DHX32: variants seen among roughly 807,000 people sequenced by gnomAD.
The protein encoded by DHX32 is DEAH-box helicase 32 (putative), also known as putative pre-mRNA-splicing factor ATP-dependent RNA helicase DHX32.
A neutral mutation model predicts 70.0 loss-of-function variants in DHX32; 51 were observed. The observed-to-expected ratio is 0.73, with a 90% CI of 0.58 to 0.92. DHX32 has a LOEUF of 0.92. Among genes scored for constraint, DHX32 ranks in the 40% least tolerant of loss-of-function variants. The pLI is 0.00. For missense variants in DHX32, 762 were observed against 891.8 expected (o/e 0.85, Z 1.85); for synonymous variants, 310 against 315.3 (o/e 0.98, Z 0.18).
At chr10:125,871,888 G>T (rs1944257973) in intron 1 of DHX32, among the ~76,000 whole-genome samples, 1 of 141,966 alleles carries the variant, frequency 7.0e-6, no homozygotes, top group Non-Finnish European at 1.5e-5. Flanking sequence ...TTGAGATGGA[G>T]TCTCACTCTT....
At chr10:125,861,975 G>A (rs1014057875) in intron 2 of DHX32, among the ~76,000 whole-genome samples, 6 of 151,594 alleles carry the variant, frequency 4.0e-5, no homozygotes, top group Non-Finnish European at 5.9e-5. Context: ...CACCTAGTGT[G>A]AGCCAGTCAC....
intron 1 of DHX32, among the ~76,000 whole-genome samples, chr10:125,892,051 C>T (rs1343559103): frequency 3.3e-5 from 5 of 152,120 alleles, no homozygotes; most frequent in Non-Finnish European, 5.9e-5. Context: ...GACCTCCCAA[C>T]GTATATGACA....
At position 125,852,414 on chromosome 10, in the gene DHX32, G is replaced by A. The variant is rs750356794; in HGVS notation, c.1230C>T (p.Ser410=). ...CTGGCTTCAGTGGCGTCATGTCTTT[G>A]GAGGCAAATTCTTCAGTGTACAGGC... ...FFCLYTEEFA[S]KDMTPLKPAE... Residue 410 remains serine (S), a synonymous_variant, in exon 6 of 11, where the codon TCC becomes TCT. Coordinates refer to ENST00000284690, the MANE Select transcript of DHX32 (RefSeq NM_018180.3). The A allele has an allele frequency of 3.2e-5, 52 of 1,614,146 alleles. No individual in the cohort carries two copies. The highest frequency in any genetic ancestry group is 4.3e-5 in the Non-Finnish European group (51 of 1,180,036).
chr10:125,859,046 T>G (rs1414764784), intron 3 of DHX32, among the ~76,000 whole-genome samples: 4 of 105,872 alleles, frequency 3.8e-5, no homozygotes, highest in African/African-American at 1.4e-4. Flanking sequence ...TGTTTGTTTG[T>G]TTTTTTTTTT....
chr10:125,876,123 G>A (rs962782690), intron 1 of DHX32, among the ~76,000 whole-genome samples: 1 of 152,166 alleles, frequency 6.6e-6, no homozygotes, highest in African/African-American at 2.4e-5. Flanking sequence ...TCCCTACCCA[G>A]AAGTGGACTC....
At position 125,889,413 on chromosome 10, in the gene DHX32, C is replaced by T. The variant is rs149830726; in HGVS notation, c.-248+6805G>A. Among the ~76,000 whole-genome samples, 492 of 152,224 alleles carry T rather than the reference C, an allele frequency of 3.2e-3. 8 individuals carry two copies. The East Asian group carries it at 0.059, about 18-fold the overall frequency. On this transcript the variant is annotated intron_variant, in intron 1 of 2. Coordinates refer to the DHX32 transcript ENST00000415732. The stretch of plus-strand genomic sequence containing the variant: ...ATGAGGTATTATGAGTGAATAATAA[C>T]GTCTTCAGAATAAAGGACTATTATT...
intron 6 of DHX32, among the ~76,000 whole-genome samples, chr10:125,850,434 C>T (rs1050177677): frequency 7.3e-5 from 11 of 150,728 alleles, no homozygotes; most frequent in African/African-American, 2.4e-4. Context: ...CTTGGTTCAC[C>T]GCAACCTCCA....
At chr10:125,865,885 C>T (rs1944217555) in intron 2 of DHX32, among the ~76,000 whole-genome samples, 1 of 152,162 alleles carries the variant, frequency 6.6e-6, no homozygotes, top group African/African-American at 2.4e-5. Flanking sequence ...CTAGCTGGGA[C>T]AGGGCAAAAT....
In DHX32 at chr10:125,838,295, G is replaced by A. The variant is rs1325670267; in HGVS notation, c.1974C>T (p.Thr658=). 2 of 1,613,814 alleles carry A rather than the reference G, an allele frequency of 1.2e-6. No individual in the cohort carries two copies. The highest frequency in any genetic ancestry group is 2.7e-5 in the African/African-American group (2 of 74,886). ...AGAGGACCCACTCTGGCATCTTCTTGGTGATTGAGTAACCAGACAGGGGAT... is the reference window on the plus strand; with the variant it reads ...AGAGGACCCACTCTGGCATCTTCTTAGTGATTGAGTAACCAGACAGGGGAT... ...QLHPLSGYSI[T]KKMPEWVLFH... is the part of the protein sequence containing the mutation. Residue 658 remains threonine (T), a synonymous_variant, in exon 10 of 11, where the codon ACC becomes ACT. Coordinates refer to ENST00000284690, the MANE Select transcript of DHX32 (RefSeq NM_018180.3).
chr10:125,889,840 C>T (rs1456386594), intron 1 of DHX32, among the ~76,000 whole-genome samples: 1 of 152,302 alleles, frequency 6.6e-6, no homozygotes, highest in Non-Finnish European at 1.5e-5. Context: ...TTCATTTAAA[C>T]TCTTAAGGAC....
At chr10:125,885,254 A>C (rs1308180793), upstream of DHX32, among the ~76,000 whole-genome samples, 1 of 152,056 alleles carries the variant, frequency 6.6e-6, no homozygotes, top group Non-Finnish European at 1.5e-5. Flanking sequence ...CCTTCGACTG[A>C]TGTGGTATGT....
At chr10:125,878,960 G>A (rs530711166) in intron 1 of DHX32, among the ~76,000 whole-genome samples, 26 of 149,538 alleles carry the variant, frequency 1.7e-4, no homozygotes, top group South Asian at 4.2e-4. Context: ...TGCCCGTCTC[G>A]GCCTCCCAAA....
In DHX32 at chr10:125,859,714, C is replaced by G; in HGVS notation, c.738G>C (p.Val246=). 1 of 1,614,072 alleles carries G rather than the reference C, an allele frequency of 6.2e-7. No individual in the cohort carries two copies. The highest frequency in any genetic ancestry group is 1.1e-5 in the South Asian group (1 of 91,082). Residue 246 remains valine (V), a synonymous_variant, in exon 3 of 11, where the codon GTG becomes GTC. Transcript: ENST00000284690. ...EVKNKHPVEV[V]YLSEAQKDSF... is the part of the protein sequence containing the mutation. ...AATCCTTTTGAGCCTCACTAAGGTA[C>G]ACAACCTCCACAGGGTGTTTATTTT...
rs778249535 is a variant in DHX32, at chr10:125,836,702, T to C, written c.2217A>G (p.Arg739=). The C allele has an allele frequency of 1.2e-6, 2 of 1,614,154 alleles. No homozygotes were observed. The highest frequency in any genetic ancestry group is 3.3e-5 in the Admixed American group (2 of 60,028). ...TGCTGGGGAGTCACTGGAGAGTGCA[T>C]CTCTGTTCAGTTTCAGGGCACGTCT... The part of the protein sequence containing the change: ...MCETCPETEQ[R]CTLQ The change falls in exon 11 of 11, where the codon AGA becomes AGG. Residue 739 remains arginine (R), a synonymous_variant. Coordinates refer to ENST00000284690, the MANE Select transcript of DHX32 (RefSeq NM_018180.3).
chr10:125,853,618 A>C, intron 4 of DHX32: 1 of 230,094 alleles, frequency 4.3e-6, no homozygotes. Context: ...AGAAGAGATC[A>C]GTTTAAGAGT....
chr10:125,842,981 A>G (rs1293225140), intron 6 of DHX32, among the ~76,000 whole-genome samples: 3 of 152,082 alleles, frequency 2.0e-5, no homozygotes, highest in Non-Finnish European at 4.4e-5. Context: ...GGTTTTTGCC[A>G]TTACTTTCAA....
intron 9 of DHX32, 88 bp from the exon 10 acceptor site, chr10:125,838,475 AT>A: frequency 8.1e-7 from 1 of 1,240,496 alleles, no homozygotes; most frequent in Non-Finnish European, 1.1e-6. Flanking sequence ...ATACCAAAGT[AT>A]TTTATACGGG....
At chr10:125,879,402 C>T (rs1174524922) in intron 1 of DHX32, among the ~76,000 whole-genome samples, 2 of 152,024 alleles carry the variant, frequency 1.3e-5, no homozygotes, top group Non-Finnish European at 2.9e-5. Context: ...CTAGAAGGTC[C>T]CACATAAGCA....
At chr10:125,864,695 G>A (rs966682245) in intron 2 of DHX32, among the ~76,000 whole-genome samples, 4 of 151,926 alleles carry the variant, frequency 2.6e-5, no homozygotes, top group African/African-American at 4.8e-5. Flanking sequence ...TTCAAAGGCC[G>A]AGGCCAGCAA....
Sources: allele counts gnomAD v4.1 joint callset (sites outside exome capture counted in the v4.1 genomes callset), GRCh38; gene constraint gnomAD v4.1.1; transcripts MANE v1.5; gene names NCBI Gene and HGNC (gene_info 2026-07-23, HGNC 2026-07-21).